Variants in FAM53B observed in about 807,000 individuals in gnomAD.
The protein encoded by FAM53B is family with sequence similarity 53 member B, also known as protein FAM53B.
A neutral mutation model predicts 32.7 loss-of-function variants in FAM53B; 12 were observed. The ratio of observed to expected loss-of-function variants is 0.37; its 90% CI spans 0.24 to 0.59. The LOEUF (loss-of-function observed/expected upper bound fraction) is 0.59, where lower values mean the gene tolerates loss of function less well. Ranked by LOEUF, FAM53B falls within the 20% of genes least tolerant of loss-of-function variation. The probability of loss-of-function intolerance (pLI) is 0.72; values close to 1 mark genes in which losing one functional copy is unlikely to be tolerated. For missense variants in FAM53B, 477 were observed against 577.7 expected, an observed-to-expected ratio of 0.83 and a Z score of 1.79; for synonymous variants, 234 against 228.7, an observed-to-expected ratio of 1.02 and a Z score of -0.21.
chr10:124,682,105 T>C lies in FAM53B; in HGVS notation c.408A>G (p.Lys136=), dbSNP rs373052881. 1 of 1,613,766 alleles carries C rather than the reference T, an allele frequency of 6.2e-7. No individual in the cohort carries two copies. The highest frequency in any genetic ancestry group is 1.3e-5 in the African/African-American group (1 of 75,066). ...GTCTCTTTTCCACGGGAGTCCAGACTTTGGAGCCCAAGGGCCTCCATGATG... is the reference window on the plus strand; with the variant it reads ...GTCTCTTTTCCACGGGAGTCCAGACCTTGGAGCCCAAGGGCCTCCATGATG... The part of the protein sequence containing the change: ...CRTSWRPLGS[K]VWTPVEKRRC... The change falls in exon 4 of 5, where the codon AAA becomes AAG. Residue 136 remains lysine, a synonymous_variant. Transcript: ENST00000337318. This position sits in a 1 kb window ranked among gnomAD's most constrained non-coding sequence, Gnocchi z 5.2.
intron 1 of FAM53B, among the ~76,000 whole-genome samples, chr10:124,729,928 C>T (rs1186462599): frequency 6.6e-6 from 1 of 152,198 alleles, no homozygotes; most frequent in Admixed American, 6.5e-5. Context: ...AAAGAGATTC[C>T]TATTCAGAGC....
At chr10:124,626,144 G>A (rs1168463166) in intron 4 of FAM53B, among the ~76,000 whole-genome samples, 1 of 152,274 alleles carries the variant, frequency 6.6e-6, no homozygotes, top group Non-Finnish European at 1.5e-5. Context: ...GTCATGTGAG[G>A]GGCCTGGGGC....
chr10:124,734,678 A>C (rs745875615), intron 1 of FAM53B, among the ~76,000 whole-genome samples: 1 of 152,206 alleles, frequency 6.6e-6, no homozygotes, highest in African/African-American at 2.4e-5. Context: ...GCCCCCTCCC[A>C]GAACCTAGTG....
intron 4 of FAM53B, among the ~76,000 whole-genome samples, chr10:124,642,678 A>C (rs1341972938): frequency 1.3e-5 from 2 of 152,056 alleles, no homozygotes; most frequent in East Asian, 3.9e-4. Context: ...CCGATCACAG[A>C]AGCTTTCAGA....
chr10:124,683,661 T>C (rs1164835636), intron 3 of FAM53B, among the ~76,000 whole-genome samples: 1 of 152,168 alleles, frequency 6.6e-6, no homozygotes, highest in Non-Finnish European at 1.5e-5. Flanking sequence ...AGACAGGATG[T>C]AAACCCAGCT....
intron 4 of FAM53B, among the ~76,000 whole-genome samples, chr10:124,660,324 T>C (rs917435286): frequency 6.6e-6 from 1 of 152,186 alleles, no homozygotes; most frequent in Non-Finnish European, 1.5e-5. Flanking sequence ...ACAAGACAGC[T>C]TGGAAAAGAC....
intron 2 of FAM53B, among the ~76,000 whole-genome samples, chr10:124,699,339 A>C (rs893948015): frequency 6.6e-6 from 1 of 152,196 alleles, no homozygotes; most frequent in Non-Finnish European, 1.5e-5. Context: ...GTGGATTTTC[A>C]CTGGGCAGAA....
intron 2 of FAM53B, among the ~76,000 whole-genome samples, chr10:124,701,709 A>C (rs1348611809): frequency 2.6e-5 from 4 of 152,208 alleles, no homozygotes; most frequent in Non-Finnish European, 5.9e-5. Flanking sequence ...AGTGGGGGAA[A>C]GGGGAACTGG....
At chr10:124,732,835 A>G (rs1054855820) in intron 1 of FAM53B, among the ~76,000 whole-genome samples, 1 of 152,136 alleles carries the variant, frequency 6.6e-6, no homozygotes, top group Non-Finnish European at 1.5e-5. Flanking sequence ...ATCACAAAAA[A>G]AAAAAAAAAT....
chr10:124,692,025 T>C (rs1949835875), intron 3 of FAM53B, among the ~76,000 whole-genome samples: 2 of 152,192 alleles, frequency 1.3e-5, no homozygotes, highest in South Asian at 2.1e-4. Context: ...GAACCAGTCA[T>C]ATAAATGGCT....
chr10:124,642,110 CCTAA>C (rs1484600877), intron 4 of FAM53B, among the ~76,000 whole-genome samples: 3 of 152,308 alleles, frequency 2.0e-5, no homozygotes, highest in Admixed American at 6.5e-5. Flanking sequence ...CCATCGGAGC[CCTAA>C]CTGACAGTCA....
chr10:124,731,871 G>A (rs1371154142), intron 1 of FAM53B, among the ~76,000 whole-genome samples: 1 of 152,194 alleles, frequency 6.6e-6, no homozygotes, highest in Non-Finnish European at 1.5e-5. Flanking sequence ...CAGAGGTGTG[G>A]GGGCCTTCAC....
intron 2 of FAM53B, among the ~76,000 whole-genome samples, chr10:124,698,133 G>A (rs1374413842): frequency 6.6e-6 from 1 of 152,186 alleles, no homozygotes. Flanking sequence ...AAGGAAGGCA[G>A]CTCCCAGCAC....
rs186545265 is a variant in FAM53B at position 124,740,249 on chromosome 10, C to T, written c.-175+3764G>A. ...GACAGGCACCACCAAAACCACAACC[C>T]GCAATACACGAAGCCCAAATCTTGC... On this transcript the variant is annotated intron_variant, in intron 1 of 4. Transcript: ENST00000337318. Among the ~76,000 whole-genome samples the T allele has an allele frequency of 2.6e-5, 4 of 152,192 alleles. No individual in the cohort carries two copies. The East Asian group carries it at 5.8e-4, about 22-fold the overall frequency.
intron 2 of FAM53B, among the ~76,000 whole-genome samples, chr10:124,702,887 C>T (rs1192822472): frequency 6.6e-6 from 1 of 152,148 alleles, no homozygotes; most frequent in Non-Finnish European, 1.5e-5. Flanking sequence ...GGAGTCCTCG[C>T]TCTTCTAGTT....
Position 124,682,761 on chromosome 10 carries a change from A to C in FAM53B, c.134-382T>G, listed in dbSNP as rs1949781354. 6.6e-6 allele frequency among the ~76,000 whole-genome samples: 1 copy of C among 152,252 alleles called. No homozygotes were observed. On this transcript the variant is annotated intron_variant, in intron 3 of 4. Transcript: ENST00000337318. The surrounding 1 kb of genome is among the most constrained non-coding windows in gnomAD (Gnocchi z 5.2). ...CTGAACCCTGCCCCTGGCTGATGAGAGAGTCGGGACAAGACATCTGTTAAG... is the reference window on the plus strand; with the variant it reads ...CTGAACCCTGCCCCTGGCTGATGAGCGAGTCGGGACAAGACATCTGTTAAG...
Position 124,674,836 on chromosome 10 carries a change from A to G in FAM53B, c.906+6771T>C, listed in dbSNP as rs181018521. 1.9e-3 allele frequency among the ~76,000 whole-genome samples: 288 copies of G among 152,290 alleles called. 3 individuals are homozygous for G. The highest frequency in any genetic ancestry group is 6.8e-3 in the Middle Eastern group (2 of 294). On this transcript the variant is annotated intron_variant, in intron 4 of 4. Transcript: ENST00000337318. Reference sequence around the variant, plus strand: ...GGGCAGCGCCTGCTAGGGCCTCCCAAGCCTCTTTGCCAGCACCAGAGCAGG... The same window carrying G: ...GGGCAGCGCCTGCTAGGGCCTCCCAGGCCTCTTTGCCAGCACCAGAGCAGG...
chr10:124,657,165 TATATATATGTAC>T (rs71029208), intron 4 of FAM53B, among the ~76,000 whole-genome samples: 73,762 of 132,612 alleles, frequency 0.56, 19,632 homozygotes, highest in Non-Finnish European at 0.64. Context: ...TATGTGTGTA[TATATATATGTAC>T]ATATATATAT....
At chr10:124,686,676 A>G (rs1415842776) in intron 3 of FAM53B, among the ~76,000 whole-genome samples, 1 of 152,252 alleles carries the variant, frequency 6.6e-6, no homozygotes, top group Admixed American at 6.5e-5. Flanking sequence ...GCATAGCCCC[A>G]GTGTGGCTCC....
Sources: gnomAD v4.1 joint callset for allele counts (sites outside exome capture counted in the v4.1 genomes callset) on GRCh38, gnomAD v4.1.1 for gene constraint, Gnocchi (gnomAD v3.1) non-coding constraint, MANE v1.5 for transcripts, NCBI Gene and HGNC (gene_info 2026-07-23, HGNC 2026-07-21) for gene names.